The following CUBN variants were observed in gnomAD, a reference collection of about 807,000 sequenced individuals.
CUBN encodes the protein cubilin.
Under a neutral mutation model 405.3 loss-of-function variants are expected in CUBN, and 282 were observed. The ratio of observed to expected loss-of-function variants is 0.70; its 90% CI spans 0.63 to 0.77. The LOEUF is 0.77. CUBN is among the 30% of genes least tolerant of loss of function. The pLI is 0.00. For missense variants in CUBN, 4,514 were observed against 4,475.2 expected, an observed-to-expected ratio of 1.01 and a Z score of -0.25; for synonymous variants, 1,684 against 1,617.0, an observed-to-expected ratio of 1.04 and a Z score of -0.99.
chr10:17,088,432 A>C, intron 14 of CUBN, 87 bp from the exon 15 acceptor site: 1 of 1,086,922 alleles, frequency 9.2e-7, no homozygotes. Flanking sequence ...TAAGAAGCCA[A>C]ACTTTGTTTA....
chr10:17,126,882 A>G (rs1045800589), intron 3 of CUBN, 83 bp from the exon 4 acceptor site: 18 of 1,383,462 alleles, frequency 1.3e-5, no homozygotes, highest in Non-Finnish European at 1.9e-5. Flanking sequence ...ATATTGTCCT[A>G]ATGCCCTCTG....
intron 21 of CUBN, among the ~76,000 whole-genome samples, chr10:17,067,776 G>T (rs960380054): frequency 8.5e-5 from 13 of 152,120 alleles, no homozygotes; most frequent in African/African-American, 2.9e-4. Flanking sequence ...CTGTGGGTGG[G>T]GGTGAGGAAC....
intron 14 of CUBN, among the ~76,000 whole-genome samples, chr10:17,090,845 C>G (rs1014616096): frequency 1.5e-5 from 2 of 134,436 alleles, no homozygotes; most frequent in South Asian, 2.3e-4. Context: ...AAAAAAAAAG[C>G]AACTCTATAA....
chr10:17,059,800 C>G (rs943027287), intron 22 of CUBN, among the ~76,000 whole-genome samples: 1 of 152,174 alleles, frequency 6.6e-6, no homozygotes, highest in African/African-American at 2.4e-5. Flanking sequence ...ATGACCAGTG[C>G]AGATTCATAT....
At chr10:16,860,246 C>A (rs1839976703) in intron 59 of CUBN, among the ~76,000 whole-genome samples, 1 of 151,860 alleles carries the variant, frequency 6.6e-6, no homozygotes, top group Admixed American at 6.6e-5. Flanking sequence ...AAAGGCATAG[C>A]CAAACAAAAG....
intron 28 of CUBN, among the ~76,000 whole-genome samples, chr10:17,008,239 GT>G (rs1564475367): frequency 0.014 from 422 of 30,772 alleles, 4 homozygotes; most frequent in African/African-American, 0.059. Context: ...CCCGTGTGTG[GT>G]GTGTGTGTGT....
chr10:16,864,356 C>A (rs1399826041), intron 59 of CUBN, among the ~76,000 whole-genome samples: 1 of 152,032 alleles, frequency 6.6e-6, no homozygotes, highest in East Asian at 1.9e-4. Flanking sequence ...GCCCACCCCA[C>A]CCTCAGCCAC....
chr10:17,123,549 G>A (rs749147941), intron 5 of CUBN, 39 bp downstream of exon 5: 16 of 1,426,554 alleles, frequency 1.1e-5, no homozygotes, highest in African/African-American at 2.8e-5. Context: ...CACAGATGCT[G>A]ACCTGCCATC....
chr10:17,112,656 G>A (rs1588650798), intron 8 of CUBN, among the ~76,000 whole-genome samples: 1 of 151,650 alleles, frequency 6.6e-6, no homozygotes, highest in African/African-American at 2.4e-5. Context: ...AGTCTTTATA[G>A]GTTTTTTTTT....
intron 28 of CUBN, among the ~76,000 whole-genome samples, chr10:16,994,948 G>A (rs1833691526): frequency 6.6e-6 from 1 of 152,142 alleles, no homozygotes; most frequent in Non-Finnish European, 1.5e-5. Flanking sequence ...AAAATTAGCT[G>A]GGCGTGGTGG....
chr10:16,827,671 G>C (rs1206649751), intron 66 of CUBN, among the ~76,000 whole-genome samples: 2 of 152,170 alleles, frequency 1.3e-5, no homozygotes, highest in East Asian at 3.9e-4. Context: ...GCGCCATCTC[G>C]GCTCACTGCA....
chr10:17,075,097 TTTTTG>T, intron 17 of CUBN, among the ~76,000 whole-genome samples: 1 of 142,430 alleles, frequency 7.0e-6, no homozygotes, highest in East Asian at 2.0e-4. Context: ...TTTTTTTTTT[TTTTTG>T]AGATGAAGTC....
At position 17,046,050 on chromosome 10, in the gene CUBN, C is replaced by A. The variant is rs1402999811; in HGVS notation, c.3374G>T (p.Gly1125Val). Residue 1125 changes from glycine (G) to valine (V), a missense_variant, in exon 24 of 67, where the codon GGC becomes GTC. Coordinates refer to ENST00000377833, the MANE Select transcript of CUBN (RefSeq NM_001081.4). ...GATGATTGTTGGGGGTAGATTTGAG[C>A]CATAGAATATTCCCAGCAATGGTGA... is the stretch of plus-strand genomic sequence containing the variant. ...EKSPLLGIFY[G>V]SNLPPTIISH... The A allele has an allele frequency of 3.1e-6, 5 of 1,613,592 alleles. No individual in the cohort carries two copies. The highest frequency in any genetic ancestry group is 4.2e-6 in the Non-Finnish European group (5 of 1,179,780).
chr10:16,979,170 C>T (rs1833188919), intron 31 of CUBN, among the ~76,000 whole-genome samples: 1 of 152,120 alleles, frequency 6.6e-6, no homozygotes, highest in Non-Finnish European at 1.5e-5. Flanking sequence ...GAATTATAAA[C>T]CACTGCTCAA....
rs146035059 is a variant in CUBN at position 17,114,096 on chromosome 10, C to T, written c.814G>A (p.Gly272Arg). ...CACTGCACAAGTGTGGAGCAAGGCC[C>T]GGGCTGGAAGCTGCACTCGTCTCTG... is the stretch of plus-strand genomic sequence containing the variant. Reference protein sequence around the residue: ...LDRDECSFQPGPCSTLVQCFN... With the variant: ...LDRDECSFQPRPCSTLVQCFN... Residue 272 changes from glycine to arginine, a missense_variant, in exon 8 of 67, where the codon GGG (glycine) becomes AGG (arginine). Physicochemically the swap from Gly to Arg is moderately radical, Grantham distance 125. Around this residue, in one of 5 missense-constraint regions of CUBN, gnomAD observed 1,448 missense variants for 1,388.0 expected, o/e 1.04. Coordinates refer to ENST00000377833, the MANE Select transcript of CUBN (RefSeq NM_001081.4). 7.2e-4 allele frequency: 1,165 copies of T among 1,613,314 alleles called. 1 individual carries two copies. Among genetic ancestry groups the T allele is most frequent in the Non-Finnish European group, 8.8e-4 (1,044 of 1,179,726 alleles).
chr10:16,828,166 C>CTT (rs71505096), intron 66 of CUBN, among the ~76,000 whole-genome samples: 34 of 151,928 alleles, frequency 2.2e-4, no homozygotes, highest in Admixed American at 1.0e-3. Context: ...ACAGAGGGAG[C>CTT]TTTTTTTTAA....
chr10:17,021,912 G>A (rs1031210170), intron 27 of CUBN, among the ~76,000 whole-genome samples: 2 of 151,994 alleles, frequency 1.3e-5, no homozygotes, highest in Non-Finnish European at 2.9e-5. Context: ...GACCACCTCT[G>A]GCCTTCCCCT....
intron 59 of CUBN, among the ~76,000 whole-genome samples, chr10:16,852,134 T>A (rs1253840956): frequency 8.5e-6 from 1 of 117,008 alleles, no homozygotes; most frequent in South Asian, 3.5e-4. Context: ...CCTCCCTCCA[T>A]CTTTCCCTCC....
At chr10:17,029,723 C>G (rs991333730) in intron 27 of CUBN, among the ~76,000 whole-genome samples, 1 of 152,198 alleles carries the variant, frequency 6.6e-6, no homozygotes, top group African/African-American at 2.4e-5. Context: ...GCCCAGGAAG[C>G]GTTGGCGGTG....
Sources: allele counts gnomAD v4.1 joint callset (sites outside exome capture counted in the v4.1 genomes callset), GRCh38; gene constraint gnomAD v4.1.1; regional missense constraint gnomAD v4.1.1; transcripts MANE v1.5; gene names NCBI Gene and HGNC (gene_info 2026-07-23, HGNC 2026-07-21).